MINDY4: variants seen among roughly 807,000 people sequenced by gnomAD.
MINDY4 encodes the protein probable ubiquitin carboxyl-terminal hydrolase MINDY-4.
A neutral mutation model predicts 87.0 loss-of-function variants in MINDY4; 68 were observed. The observed-to-expected ratio is 0.78, with a 90% CI of 0.64 to 0.96. The LOEUF (loss-of-function observed/expected upper bound fraction) is 0.96. Ranked by LOEUF, MINDY4 falls within the 40% of genes least tolerant of loss-of-function variation. The probability of loss-of-function intolerance (pLI) is 0.00; values close to 1 mark genes in which losing one functional copy is unlikely to be tolerated. For synonymous variants in MINDY4, 379 were observed against 363.2 expected (o/e 1.04, Z -0.50); for missense variants, 919 against 928.2 (o/e 0.99, Z 0.13).
At chr7:30,778,198 C>G (rs192961619) in intron 1 of MINDY4, among the ~76,000 whole-genome samples, 3 of 152,296 alleles carry the variant, frequency 2.0e-5, no homozygotes, top group African/African-American at 7.2e-5. Flanking sequence ...CTCCTGTGCG[C>G]GAGTCCTGAA....
intron 13 of MINDY4, among the ~76,000 whole-genome samples, chr7:30,871,317 T>C (rs1483780801): frequency 6.6e-6 from 1 of 152,100 alleles, no homozygotes; most frequent in Non-Finnish European, 1.5e-5. Context: ...GCACAGTGAG[T>C]AGATAGCAGC....
intron 1 of MINDY4, 61 bp from the exon 2 acceptor site, chr7:30,778,371 T>G: frequency 6.2e-7 from 1 of 1,610,492 alleles, no homozygotes; most frequent in Non-Finnish European, 8.5e-7. Flanking sequence ...TGCTTGTGCT[T>G]TATGAGAACA....
chr7:30,879,559 C>G (rs556047880), intron 15 of MINDY4, among the ~76,000 whole-genome samples: 108 of 152,372 alleles, frequency 7.1e-4, no homozygotes, highest in Admixed American at 2.8e-3. Context: ...GCCCGCACCA[C>G]TCTCTCCCGC....
chr7:30,859,074 G>A (rs1289825685), intron 12 of MINDY4, 183 bp from the exon 13 acceptor site: 1 of 717,710 alleles, frequency 1.4e-6, no homozygotes, highest in Admixed American at 2.0e-5. Flanking sequence ...TTGTCATTCA[G>A]GTTGTTGCAA....
At chr7:30,795,900 G>A (rs1456763351) in intron 5 of MINDY4, among the ~76,000 whole-genome samples, 1 of 152,128 alleles carries the variant, frequency 6.6e-6, no homozygotes, top group East Asian at 1.9e-4. Context: ...CTGCTTTTGA[G>A]GACCTTTGTG....
intron 13 of MINDY4, among the ~76,000 whole-genome samples, chr7:30,868,925 C>A (rs1439841386): frequency 2.0e-5 from 3 of 152,280 alleles, no homozygotes; most frequent in South Asian, 2.1e-4. Flanking sequence ...GGTGTCAGGG[C>A]AGCCAGGGCA....
At chr7:30,850,599 T>C (rs748447168) in intron 10 of MINDY4, 44 bp downstream of exon 10, 3 of 1,526,618 alleles carry the variant, frequency 2.0e-6, no homozygotes, top group South Asian at 1.2e-5. Flanking sequence ...CATCGTCTGC[T>C]GGCAGCTGCC....
At chr7:30,778,614 C>G in intron 2 of MINDY4, 63 bp downstream of exon 2, 1 of 1,593,566 alleles carries the variant, frequency 6.3e-7, no homozygotes, top group Non-Finnish European at 8.6e-7. Context: ...CCAAAGCACT[C>G]ATGGGCCCTG....
In MINDY4 at chr7:30,796,225, C is replaced by G. The variant is rs565848055; in HGVS notation, c.1073+4651C>G. Among the ~76,000 whole-genome samples, 7 of 152,188 alleles carry G rather than the reference C, an allele frequency of 4.6e-5. No individual in the cohort carries two copies. In the East Asian group the frequency reaches 9.7e-4, roughly 21 times the overall value. The stretch of plus-strand genomic sequence containing the variant: ...ATTTTTTTGTGTTTTTCACATTTCC[C>G]CCTGTCTCACTGTCACATCTGTCTC... On this transcript the variant is annotated intron_variant, in intron 5 of 17. Transcript: ENST00000265299.
chr7:30,847,481 A>C (rs896954366), intron 9 of MINDY4, among the ~76,000 whole-genome samples: 1 of 152,206 alleles, frequency 6.6e-6, no homozygotes, highest in Non-Finnish European at 1.5e-5. Flanking sequence ...TGCCCACGGC[A>C]GTTGGTTCTA....
intron 5 of MINDY4, among the ~76,000 whole-genome samples, chr7:30,816,974 A>T (rs1562540735): frequency 6.6e-6 from 1 of 152,200 alleles, no homozygotes; most frequent in Non-Finnish European, 1.5e-5. Flanking sequence ...ATTGCTACAC[A>T]TTGTGATAGT....
chr7:30,837,724 C>CGT (rs1788902958), intron 7 of MINDY4, among the ~76,000 whole-genome samples: 1 of 152,160 alleles, frequency 6.6e-6, no homozygotes, highest in African/African-American at 2.4e-5. Flanking sequence ...GCAGCAGTAG[C>CGT]GTCTCCAAAA....
intron 14 of MINDY4, 104 bp from the exon 15 acceptor site, chr7:30,875,391 C>CT (rs1016247561): frequency 7.7e-7 from 1 of 1,296,258 alleles, no homozygotes; most frequent in Non-Finnish European, 1.1e-6. Flanking sequence ...TCCCTCCTTG[C>CT]TTTCCTTCCT....
intron 16 of MINDY4, among the ~76,000 whole-genome samples, chr7:30,882,670 G>A (rs1339428769): frequency 6.6e-6 from 1 of 152,220 alleles, no homozygotes; most frequent in Non-Finnish European, 1.5e-5. Context: ...GCCATGGAAG[G>A]TTTTGGAATC....
intron 9 of MINDY4, 70 bp downstream of exon 9, chr7:30,840,918 G>C: frequency 7.3e-7 from 1 of 1,367,832 alleles, no homozygotes; most frequent in Admixed American, 1.9e-5. Flanking sequence ...GAAAAAACAA[G>C]CAAGGAAGCA....
At chr7:30,839,120 T>G in intron 7 of MINDY4, 80 bp from the exon 8 acceptor site, 1 of 850,568 alleles carries the variant, frequency 1.2e-6, no homozygotes, top group South Asian at 2.1e-5. Flanking sequence ...AAGAACAACT[T>G]CTGCAGGAAT....
At chr7:30,790,279 C>T (rs2128168123) in intron 4 of MINDY4, among the ~76,000 whole-genome samples, 1 of 152,198 alleles carries the variant, frequency 6.6e-6, no homozygotes, top group Non-Finnish European at 1.5e-5. Context: ...CCACATACCA[C>T]ATACTGCCTT....
chr7:30,835,160 T>A (rs1237069335), intron 6 of MINDY4, among the ~76,000 whole-genome samples: 1 of 152,238 alleles, frequency 6.6e-6, no homozygotes, highest in South Asian at 2.1e-4. Context: ...CTCCTGAGAC[T>A]GGGCAATTTA....
chr7:30,881,014 C>G (rs1321436091), intron 15 of MINDY4, among the ~76,000 whole-genome samples: 13 of 152,198 alleles, frequency 8.5e-5, no homozygotes, highest in Admixed American at 8.5e-4. Context: ...GTATGCCCTT[C>G]TCCCCACTGG....
Sources: gnomAD v4.1 joint callset for allele counts (sites outside exome capture counted in the v4.1 genomes callset) on GRCh38, gnomAD v4.1.1 for gene constraint, MANE v1.5 for transcripts, NCBI Gene and HGNC (gene_info 2026-07-23, HGNC 2026-07-21) for gene names.